The following KIFAP3 variants were observed in gnomAD, a reference collection of about 807,000 sequenced individuals.
The protein encoded by KIFAP3 is kinesin associated protein 3, also known as kinesin-associated protein 3.
Under a neutral mutation model 106.5 loss-of-function variants are expected in KIFAP3, and 68 were observed. That is an observed-to-expected ratio of 0.64 (90% CI 0.53 to 0.78). The LOEUF (loss-of-function observed/expected upper bound fraction) is 0.78. KIFAP3 is among the 30% of genes least tolerant of loss of function. The probability of loss-of-function intolerance (pLI) is 0.00; values close to 1 mark genes in which losing one functional copy is unlikely to be tolerated. For missense variants in KIFAP3, 780 were observed against 941.8 expected (o/e 0.83, Z 2.25); for synonymous variants, 320 against 311.5 (o/e 1.03, Z -0.29).
intron 10 of KIFAP3, among the ~76,000 whole-genome samples, chr1:169,996,345 A>T (rs995510141): frequency 6.6e-6 from 1 of 152,172 alleles, no homozygotes; most frequent in Non-Finnish European, 1.5e-5. Context: ...AAACTAAAGG[A>T]CTGAAGTTAA....
intron 10 of KIFAP3, among the ~76,000 whole-genome samples, chr1:169,992,718 AT>A (rs1279978603): frequency 2.0e-5 from 3 of 152,182 alleles, no homozygotes; most frequent in Non-Finnish European, 2.9e-5. Context: ...TAACAAAAAA[AT>A]AAAATATATG....
chr1:170,026,769 T>C (rs12749065), intron 8 of KIFAP3, among the ~76,000 whole-genome samples: 2,061 of 152,238 alleles, frequency 0.014, 15 homozygotes, highest in Non-Finnish European at 0.022. Context: ...CTACCAACCA[T>C]ACTGGCAATC....
chr1:170,061,605 C>T (rs1347559289), intron 1 of KIFAP3, among the ~76,000 whole-genome samples: 2 of 152,052 alleles, frequency 1.3e-5, no homozygotes, highest in East Asian at 1.9e-4. Flanking sequence ...GACAGTGTGG[C>T]GATTCCTCAA....
rs747696606 is a variant in KIFAP3 at position 169,921,655 on chromosome 1, C to T, written c.*21G>A. 6.4e-7 allele frequency: 1 copy of T among 1,574,244 alleles called. No homozygotes were observed. The highest frequency in any genetic ancestry group is 8.7e-7 in the Non-Finnish European group (1 of 1,144,608). ...ACAGATTTCTTCTAAGCTGAGATTA[C>T]ACATGGAAACAGATACTTTATCAAG... On this transcript the variant is annotated 3_prime_UTR_variant, in exon 20 of 20. Coordinates refer to ENST00000361580, the MANE Select transcript of KIFAP3 (RefSeq NM_014970.4).
rs1668314478 is a variant in KIFAP3, at chr1:170,012,957, G to C, written c.1183+3505C>G. On this transcript the variant is annotated intron_variant, in intron 10 of 19. Transcript: ENST00000361580. ...CCTATGATTCAATTATCACCACCTGGCCCGGCCCTTGAAACGTGGGGATTA... is the reference window on the plus strand; with the variant it reads ...CCTATGATTCAATTATCACCACCTGCCCCGGCCCTTGAAACGTGGGGATTA... 1.3e-5 allele frequency among the ~76,000 whole-genome samples: 2 copies of C among 152,154 alleles called. 1 individual carries two copies. Among genetic ancestry groups the C allele is most frequent in the South Asian group, 4.2e-4 (2 of 4,812 alleles).
chr1:169,945,356 A>C (rs949624172), intron 19 of KIFAP3, among the ~76,000 whole-genome samples: 154 of 152,252 alleles, frequency 1.0e-3, no homozygotes, highest in African/African-American at 3.5e-3. Flanking sequence ...ACCTGGTCTC[A>C]AGCTGTGGCT....
In KIFAP3 at chr1:169,982,689, A is replaced by G. The variant is rs1458175204; in HGVS notation, c.1672+13T>C. 2.6e-6 allele frequency: 4 copies of G among 1,522,820 alleles called. No individual in the cohort carries two copies. Among genetic ancestry groups the G allele is most frequent in the Non-Finnish European group, 8.9e-7 (1 of 1,123,620 alleles). The allele number at this position is 1,522,820 out of a possible 1,614,324, so 94.3% of individuals were successfully genotyped here. A position where few individuals can be genotyped will look rare whatever the true frequency, so the allele number is the denominator to read the frequency against. ...CTTAGTGATTATACAAAAGTGAAAT[A>G]CTTAGCACAAACCTGGTTTTAGTTT... On this transcript the variant is annotated intron_variant, in intron 14 of 19. Coordinates refer to ENST00000361580, the MANE Select transcript of KIFAP3 (RefSeq NM_014970.4).
intron 17 of KIFAP3, among the ~76,000 whole-genome samples, chr1:169,970,401 T>A (rs1490790514): frequency 1.3e-5 from 2 of 152,044 alleles, no homozygotes; most frequent in Non-Finnish European, 2.9e-5. Flanking sequence ...CCAACTACAT[T>A]AAACAAATCT....
At chr1:170,037,281 C>T (rs1266405864) in intron 5 of KIFAP3, among the ~76,000 whole-genome samples, 2 of 152,166 alleles carry the variant, frequency 1.3e-5, no homozygotes, top group African/African-American at 2.4e-5. Context: ...TTTGAAAGTA[C>T]TGATCGACAA....
chr1:169,927,503 T>C (rs1368520542), intron 19 of KIFAP3, among the ~76,000 whole-genome samples: 1 of 152,246 alleles, frequency 6.6e-6, no homozygotes, highest in Non-Finnish European at 1.5e-5. Flanking sequence ...TTAATGCATC[T>C]GTTACCTCCT....
chr1:170,075,236 A>G (rs1199776396), upstream of KIFAP3, among the ~76,000 whole-genome samples: 1 of 152,162 alleles, frequency 6.6e-6, no homozygotes, highest in Non-Finnish European at 1.5e-5. Context: ...GAGGCAGGCA[A>G]TTGTTAGCAG....
upstream of KIFAP3, among the ~76,000 whole-genome samples, chr1:170,075,924 T>G (rs1460379326): frequency 6.6e-6 from 1 of 152,240 alleles, no homozygotes; most frequent in East Asian, 1.9e-4. Context: ...TTTTTTGTTT[T>G]TCTAAATATT....
intron 13 of KIFAP3, 36 bp from the exon 14 acceptor site, chr1:169,982,903 AT>A (rs1666605332): frequency 3.6e-6 from 4 of 1,123,328 alleles, no homozygotes; most frequent in Non-Finnish European, 4.7e-6. Flanking sequence ...AATTTAAATT[AT>A]TTTTTATTTA....
rs1478358952 is a variant in KIFAP3 at position 170,080,119 on chromosome 1, T to C, written n.174+4916A>G. ...TACAAAAATCAATTGCATTGACTTA[T>C]ACTAGCAATGAAAAATTGAAAAATA... On this transcript the variant is annotated intron_variant and non_coding_transcript_variant, in intron 1 of 5. Transcript: ENST00000490550. 2.0e-5 allele frequency among the ~76,000 whole-genome samples: 3 copies of C among 152,088 alleles called. No homozygotes were observed. The East Asian group carries it at 5.8e-4, about 29-fold the overall frequency.
intron 19 of KIFAP3, among the ~76,000 whole-genome samples, chr1:169,941,311 C>T (rs1322341585): frequency 6.6e-6 from 1 of 152,192 alleles, no homozygotes; most frequent in African/African-American, 2.4e-5. Flanking sequence ...TTACCCTCCT[C>T]TTGTATTGGG....
At chr1:170,044,916 A>G (rs1670166728) in intron 3 of KIFAP3, among the ~76,000 whole-genome samples, 1 of 152,218 alleles carries the variant, frequency 6.6e-6, no homozygotes, top group Admixed American at 6.5e-5. Context: ...TGAGCTATTT[A>G]TAGCTTATGA....
chr1:169,949,074 G>C (rs1664598313), intron 19 of KIFAP3, among the ~76,000 whole-genome samples: 1 of 151,330 alleles, frequency 6.6e-6, no homozygotes, highest in Non-Finnish European at 1.5e-5. Context: ...ATATTTTAAA[G>C]AAATAATTTT....
At position 170,080,248 on chromosome 1, in the gene KIFAP3, G is replaced by A. The variant is rs1343392023; in HGVS notation, n.174+4787C>T. On this transcript the variant is annotated intron_variant and non_coding_transcript_variant, in intron 1 of 5. Transcript: ENST00000490550. Reference sequence around the variant, plus strand: ...CCTATGCACTGAAAACCATGAAACAGCACTAAGAGAAATTAAAGATGCCCT... The same window carrying A: ...CCTATGCACTGAAAACCATGAAACAACACTAAGAGAAATTAAAGATGCCCT... 2.0e-5 allele frequency among the ~76,000 whole-genome samples: 3 copies of A among 151,958 alleles called. No individual in the cohort carries two copies. The East Asian group carries it at 5.8e-4, about 29-fold the overall frequency.
chr1:169,973,105 G>GTATATATA (rs1553278126), intron 16 of KIFAP3, among the ~76,000 whole-genome samples: 2 of 90,308 alleles, frequency 2.2e-5, no homozygotes, highest in Admixed American at 1.3e-4. Context: ...AAAATAGTGT[G>GTATATATA]TATATATATA....
Sources: allele counts gnomAD v4.1 joint callset (sites outside exome capture counted in the v4.1 genomes callset), GRCh38; gene constraint gnomAD v4.1.1; transcripts MANE v1.5; gene names NCBI Gene and HGNC (gene_info 2026-07-23, HGNC 2026-07-21).